Variants in TNXB observed in about 807,000 individuals in gnomAD.
The protein encoded by TNXB is tenascin-X.
A neutral mutation model predicts 340.5 loss-of-function variants in TNXB; 183 were observed. That is an observed-to-expected ratio of 0.54 (90% confidence interval 0.48 to 0.61). TNXB has a LOEUF of 0.61. Among genes scored for constraint, TNXB ranks in the 20% least tolerant of loss-of-function variants. TNXB has a pLI of 0.00. For missense variants in TNXB, 4,613 were observed against 5,446.4 expected, an observed-to-expected ratio of 0.85 and a Z score of 4.82; for synonymous variants, 2,121 against 2,314.5, an observed-to-expected ratio of 0.92 and a Z score of 2.40.
In TNXB at chr6:32,047,557, AG is replaced by A. The variant is rs770130160; in HGVS notation, c.10324+176del. Among the ~76,000 whole-genome samples the A allele has an allele frequency of 1.8e-4, 28 of 152,246 alleles. No homozygotes were observed. The highest frequency in any genetic ancestry group is 5.2e-4 in the Admixed American group (8 of 15,284). On this transcript the variant is annotated intron_variant, in intron 30 of 43. Transcript: ENST00000644971. This position sits in a 1 kb window ranked among gnomAD's most constrained non-coding sequence, Gnocchi z 6.2. ...ATTTCCTCAGCAGTCAGCGAATGAA[AG>A]GAAGTAATGCATATGCTTCAGAACT...
chr6:32,064,105 G>A lies in TNXB; in HGVS notation c.6841+716C>T, dbSNP rs923094549. Among the ~76,000 whole-genome samples, 1 of 152,142 alleles carries A rather than the reference G, an allele frequency of 6.6e-6. No homozygotes were observed. The highest frequency in any genetic ancestry group is 2.4e-5 in the African/African-American group (1 of 41,422). ...AGACTGCAGTTATCTCTCATTGTGTGTGAGAGCCAAGCCACACTCCCGCCC... is the reference window on the plus strand; with the variant it reads ...AGACTGCAGTTATCTCTCATTGTGTATGAGAGCCAAGCCACACTCCCGCCC... On this transcript the variant is annotated intron_variant, in intron 19 of 43. Coordinates refer to ENST00000644971, the MANE Select transcript of TNXB (RefSeq NM_001365276.2). The surrounding 1 kb of genome is among the most constrained non-coding windows in gnomAD (Gnocchi z 5.3).
At chr6:32,106,130 A>AT (rs1780963915) in intron 1 of TNXB, among the ~76,000 whole-genome samples, 1 of 5,954 alleles carries the variant, frequency 1.7e-4, no homozygotes, top group African/African-American at 6.5e-4. Flanking sequence ...TAGTAGGGGC[A>AT]TGGGGGGGGG....
At chr6:32,071,581 T>TC (rs1406815821) in intron 13 of TNXB, among the ~76,000 whole-genome samples, 1 of 150,434 alleles carries the variant, frequency 6.6e-6, no homozygotes, top group Middle Eastern at 3.4e-3. Context: ...TTTCTTTCTT[T>TC]TTTTTTTTTT....
chr6:32,047,681 G>A lies in TNXB; in HGVS notation c.10324+53C>T. On this transcript the variant is annotated intron_variant, in intron 30 of 43. Transcript: ENST00000644971. The surrounding 1 kb of genome is among the most constrained non-coding windows in gnomAD (Gnocchi z 6.2). ...GGGAAGGCTGCAGGGCCAGCTCTGA[G>A]GGCTCGGATGAGAGGCAGCTCTGGA... 6.5e-7 allele frequency: 1 copy of A among 1,529,290 alleles called. No individual in the cohort carries two copies. The highest frequency in any genetic ancestry group is 1.9e-5 in the Admixed American group (1 of 52,254). 94.7% of individuals were successfully genotyped at this position (1,529,290 alleles called of 1,614,324 possible).
chr6:32,093,478 C>T, intron 4 of TNXB: 1 of 677,656 alleles, frequency 1.5e-6, no homozygotes. Flanking sequence ...AATGACAAGA[C>T]AAAGCAAAGT....
chr6:32,088,745 G>A (rs1395555021), intron 6 of TNXB, 40 bp downstream of exon 6: 1 of 1,539,830 alleles, frequency 6.5e-7, no homozygotes, highest in East Asian at 2.4e-5. Flanking sequence ...ATCCAAGGCT[G>A]GGAAACCAGG....
At position 32,084,793 on chromosome 6, in the gene TNXB, C is replaced by CACT; in HGVS notation, c.3149-87_3149-85dup. ...CTCCTTCCCTCTCCCCTGCCCACCT[C>CACT]ACTCCATCCTGGATAGATCCCTCCC... On this transcript the variant is annotated intron_variant, in intron 7 of 43. Coordinates refer to ENST00000644971, the MANE Select transcript of TNXB (RefSeq NM_001365276.2). This position sits in a 1 kb window ranked among gnomAD's most constrained non-coding sequence, Gnocchi z 5.5. 1 of 1,304,848 alleles carries CACT rather than the reference C, an allele frequency of 7.7e-7. No individual in the cohort carries two copies. The highest frequency in any genetic ancestry group is 1.6e-5 in the South Asian group (1 of 62,294). The allele number at this position is 1,304,848 out of a possible 1,614,324, so 80.8% of individuals were successfully genotyped here. A position where few individuals can be genotyped will look rare whatever the true frequency, so the allele number is the denominator to read the frequency against.
chr6:32,099,769 T>A (rs1780614898), intron 1 of TNXB, among the ~76,000 whole-genome samples: 1 of 150,592 alleles, frequency 6.6e-6, no homozygotes, highest in South Asian at 2.1e-4. Flanking sequence ...ACTTACATGA[T>A]CAAATATCAA....
intron 6 of TNXB, 61 bp from the exon 7 acceptor site, chr6:32,086,179 C>T: frequency 1.4e-6 from 2 of 1,430,954 alleles, no homozygotes; most frequent in Non-Finnish European, 1.8e-6. Flanking sequence ...AAAGGAATCC[C>T]CAGTCCCCAG....
Position 32,083,170 on chromosome 6 carries a change from C to T in TNXB, c.3446-844G>A, listed in dbSNP as rs921271106. ...TGTTCCGGAATCTGACAAGTCCAAC[C>T]GCACCCTCCTTCCTGGAGTCCAGAC... On this transcript the variant is annotated intron_variant, in intron 8 of 43. Transcript: ENST00000644971. This position sits in a 1 kb window ranked among gnomAD's most constrained non-coding sequence, Gnocchi z 4.6. Among the ~76,000 whole-genome samples the T allele has an allele frequency of 2.0e-5, 3 of 152,122 alleles. No individual in the cohort carries two copies. The highest frequency in any genetic ancestry group is 7.2e-5 in the African/African-American group (3 of 41,410).
Position 32,065,027 on chromosome 6 carries a change from A to C in TNXB, c.6635T>G (p.Leu2212Arg). 6.2e-7 allele frequency: 1 copy of C among 1,609,230 alleles called. No homozygotes were observed. Among genetic ancestry groups the C allele is most frequent in the Middle Eastern group, 1.6e-4 (1 of 6,062 alleles). The stretch of plus-strand genomic sequence containing the variant: ...CTGGCCCTCGGGGACTGTCCAGGAG[A>C]GGCTGAGGGAGTCGGAGGTGATGTC... Reference protein sequence around the residue: ...VRDITSDSLSLSWTVPEGQFD... With the variant: ...VRDITSDSLSRSWTVPEGQFD... Residue 2212 changes from leucine (L) to arginine (R), a missense_variant, in exon 19 of 44, where the codon CTC (leucine) becomes CGC (arginine). Physicochemically the swap from Leu to Arg is moderately radical, Grantham distance 102 (BLOSUM62 -2). Transcript: ENST00000644971.
At position 32,061,542 on chromosome 6, in the gene TNXB, G is replaced by T; in HGVS notation, c.7347C>A (p.Asp2449Glu). The T allele has an allele frequency of 1.2e-6, 2 of 1,613,554 alleles. No individual in the cohort carries two copies. Among genetic ancestry groups the T allele is most frequent in the Admixed American group, 3.3e-5 (2 of 60,016 alleles). ...DSFTVQYKDR[D>E]GRPQVVRVGG... ...CAACACGCACCACCTGGGGCCGCCC[G>T]TCCCTGTCCTTGTACTGCACGGTGA... is the stretch of plus-strand genomic sequence containing the variant. The change falls in exon 21 of 44, where the codon GAC becomes GAA. Residue 2449 changes from aspartate (D) to glutamate (E), a missense_variant. Around this residue, in one of 7 missense-constraint regions of TNXB, gnomAD observed 4,327 missense variants for 4,859.4 expected, o/e 0.89. Coordinates refer to ENST00000644971, the MANE Select transcript of TNXB (RefSeq NM_001365276.2). The surrounding 1 kb of genome is among the most constrained non-coding windows in gnomAD (Gnocchi z 4.4).
Position 32,044,035 on chromosome 6 carries a change from G to A in TNXB, c.11358C>T (p.Phe3786=), listed in dbSNP as rs572418615. ...WMPPPSRADS[F]KVSYQLADGG... is the part of the protein sequence containing the mutation. ...CGTCCGCCAGCTGGTAGGAGACTTT[G>A]AAGCTGTCCGCCCGGGATGGTGGGG... Residue 3786 remains phenylalanine (F), a synonymous_variant, in exon 34 of 44, where the codon TTC becomes TTT. Coordinates refer to ENST00000644971, the MANE Select transcript of TNXB (RefSeq NM_001365276.2). 907 of 1,573,692 alleles carry A rather than the reference G, an allele frequency of 5.8e-4. 4 individuals carry two copies. Among genetic ancestry groups the A allele is most frequent in the Non-Finnish European group, 7.5e-4 (871 of 1,159,336 alleles).
rs1277952506 is a variant in TNXB, at chr6:32,072,883, G to A, written c.4682-585C>T. ...GGAGAATTGCTTGAACTTGGGAAGC[G>A]GAGGTTGCAGTGAGCCGAGATCGCG... On this transcript the variant is annotated intron_variant, in intron 12 of 43. Transcript: ENST00000644971. The surrounding 1 kb of genome is among the most constrained non-coding windows in gnomAD (Gnocchi z 4.4). Among the ~76,000 whole-genome samples, 12 of 152,166 alleles carry A rather than the reference G, an allele frequency of 7.9e-5. No individual in the cohort carries two copies. Among genetic ancestry groups the A allele is most frequent in the East Asian group, 1.9e-4 (1 of 5,200 alleles).
intron 4 of TNXB, among the ~76,000 whole-genome samples, chr6:32,091,865 G>A (rs773833331): frequency 1.3e-5 from 2 of 152,152 alleles, no homozygotes; most frequent in African/African-American, 4.8e-5. Context: ...CTGGTCCTTG[G>A]AGCTTATCTC....
Position 32,061,749 on chromosome 6 carries a change from C to T in TNXB, c.7169-29G>A. The T allele has an allele frequency of 6.2e-7, 1 of 1,603,358 alleles. No individual in the cohort carries two copies. Among genetic ancestry groups the T allele is most frequent in the Non-Finnish European group, 8.5e-7 (1 of 1,173,308 alleles). On this transcript the variant is annotated intron_variant, in intron 20 of 43. Transcript: ENST00000644971. This position sits in a 1 kb window ranked among gnomAD's most constrained non-coding sequence, Gnocchi z 4.4. ...AGAAAAAGGGACACAGAGAGGATGG[C>T]AGGGTCCCTGGGGGATGTGCTTACG...
In TNXB at chr6:32,088,959, G is replaced by T. The variant is rs1386088186; in HGVS notation, c.2605C>A (p.Arg869=). 3.7e-6 allele frequency: 6 copies of T among 1,609,354 alleles called. No individual in the cohort carries two copies. In the South Asian group the frequency reaches 6.7e-5, roughly 18 times the overall value. The change falls in exon 6 of 44, where the codon CGA becomes AGA. Residue 869 remains arginine (R), a synonymous_variant. Transcript: ENST00000644971. ...GCACTGACGTAGGACACCACAAATC[G>T]GTCCACCTCAGCCTGGGGACGCAGC... is the stretch of plus-strand genomic sequence containing the variant. ...GWLRPQAEVD[R]FVVSYVSAGN...
intron 4 of TNXB, chr6:32,093,456 C>A (rs917963846): frequency 1.9e-5 from 13 of 691,508 alleles, no homozygotes; most frequent in Admixed American, 1.2e-4. Flanking sequence ...AGGGGGCTGG[C>A]CTGAGGAGCA....
chr6:32,104,383 G>C (rs1360960663), intron 1 of TNXB, among the ~76,000 whole-genome samples: 1 of 152,230 alleles, frequency 6.6e-6, no homozygotes, highest in Admixed American at 6.5e-5. Flanking sequence ...CCTGTAACCT[G>C]AACTCACGGT....
Sources: allele counts gnomAD v4.1 joint callset (sites outside exome capture counted in the v4.1 genomes callset), GRCh38; gene constraint gnomAD v4.1.1; regional missense constraint gnomAD v4.1.1; non-coding constraint Gnocchi (gnomAD v3.1); transcripts MANE v1.5; gene names NCBI Gene and HGNC (gene_info 2026-07-23, HGNC 2026-07-21).